The following RANBP2 variants were observed in gnomAD, a reference collection of about 807,000 sequenced individuals.
RANBP2 encodes the protein E3 SUMO-protein ligase RanBP2.
A neutral mutation model predicts 303.6 loss-of-function variants in RANBP2; 57 were observed. The observed-to-expected ratio is 0.19, with a 90% CI of 0.15 to 0.23. RANBP2 has a LOEUF of 0.23. Among genes scored for constraint, RANBP2 ranks in the 10% least tolerant of loss-of-function variants. The probability of loss-of-function intolerance (pLI) is 1.00; values close to 1 mark genes in which losing one functional copy is unlikely to be tolerated. For synonymous variants in RANBP2, 1,167 were observed against 1,301.5 expected, an observed-to-expected ratio of 0.90 and a Z score of 2.23; for missense variants, 3,138 against 3,780.8, an observed-to-expected ratio of 0.83 and a Z score of 4.46.
the RANBP2 span, among the ~76,000 whole-genome samples, chr2:109,714,978 TG>T: frequency 4.0e-4 from 5 of 12,514 alleles, no homozygotes; most frequent in Admixed American, 5.5e-3. Context: ...GGGGTGGGGG[TG>T]GGGGCGGGGC....
At chr2:108,980,305 C>T in the RANBP2 span, among the ~76,000 whole-genome samples, 1 of 152,060 alleles carries the variant, frequency 6.6e-6, no homozygotes, top group Non-Finnish European at 1.5e-5. Context: ...ATCCCGAAAC[C>T]TCTGTGAAGG....
the RANBP2 span, chr2:109,585,973 C>T: frequency 2.2e-5 from 14 of 625,018 alleles, no homozygotes; most frequent in Middle Eastern, 3.2e-4. Flanking sequence ...ACCTAAGATA[C>T]AAGCGATTAA....
chr2:109,034,485 T>C, the RANBP2 span, among the ~76,000 whole-genome samples: 2 of 151,958 alleles, frequency 1.3e-5, no homozygotes, highest in Non-Finnish European at 2.9e-5. Flanking sequence ...GCTGAGGGGC[T>C]ATGGCAAGAG....
At chr2:109,225,679 T>C in the RANBP2 span, among the ~76,000 whole-genome samples, 1 of 152,386 alleles carries the variant, frequency 6.6e-6, no homozygotes, top group African/African-American at 2.4e-5. Context: ...CCTGTAAATA[T>C]CAGGAACAGA....
the RANBP2 span, among the ~76,000 whole-genome samples, chr2:109,429,838 A>G: frequency 9.2e-5 from 14 of 152,318 alleles, 1 homozygote; most frequent in South Asian, 2.9e-3. Flanking sequence ...TAGCCCTGCT[A>G]GGGGTTCCAT....
chr2:109,398,946 A>G, the RANBP2 span: 1 of 1,608,310 alleles, frequency 6.2e-7, no homozygotes, highest in Non-Finnish European at 8.5e-7. Context: ...CCACCCAGGT[A>G]ACATCCCGCG....
At chr2:109,393,397 G>A in the RANBP2 span, among the ~76,000 whole-genome samples, 4 of 152,232 alleles carry the variant, frequency 2.6e-5, no homozygotes, top group Non-Finnish European at 5.9e-5. Flanking sequence ...TGGCAGAAAT[G>A]CAGAAACTTG....
At chr2:109,161,991 T>A in the RANBP2 span, among the ~76,000 whole-genome samples, 1 of 152,104 alleles carries the variant, frequency 6.6e-6, no homozygotes, top group Non-Finnish European at 1.5e-5. Context: ...AAAGCGTAGA[T>A]GGTGTCAGAA....
At chr2:109,460,567 CTG>C in the RANBP2 span, among the ~76,000 whole-genome samples, 1 of 152,240 alleles carries the variant, frequency 6.6e-6, no homozygotes, top group East Asian at 1.9e-4. Context: ...CAGTCATTGA[CTG>C]TGCTCCACAG....
At chr2:109,612,744 G>A in the RANBP2 span, among the ~76,000 whole-genome samples, 1 of 152,128 alleles carries the variant, frequency 6.6e-6, no homozygotes, top group Non-Finnish European at 1.5e-5. Flanking sequence ...CACAGCAACT[G>A]AGACAAGGGG....
chr2:108,852,285 C>G, the RANBP2 span, among the ~76,000 whole-genome samples: 1 of 152,164 alleles, frequency 6.6e-6, no homozygotes, highest in Non-Finnish European at 1.5e-5. Context: ...AAGAAAGGAA[C>G]ACTTGTACAC....
chr2:109,059,249 C>A, the RANBP2 span, among the ~76,000 whole-genome samples: 1 of 152,100 alleles, frequency 6.6e-6, no homozygotes, highest in Non-Finnish European at 1.5e-5. Context: ...GAATGTCAAT[C>A]TAGTTATCCG....
the RANBP2 span, among the ~76,000 whole-genome samples, chr2:109,651,163 A>G: frequency 2.0e-5 from 3 of 152,230 alleles, no homozygotes; most frequent in South Asian, 2.1e-4. Context: ...ACCTATCTCA[A>G]AATGAGTTAC....
the RANBP2 span, among the ~76,000 whole-genome samples, chr2:109,270,862 G>A: frequency 1.6e-4 from 25 of 152,218 alleles, no homozygotes; most frequent in African/African-American, 5.8e-4. Flanking sequence ...AGTGGCCAGG[G>A]AACCTGTGAG....
the RANBP2 span, among the ~76,000 whole-genome samples, chr2:108,872,178 C>G: frequency 2.6e-5 from 4 of 152,136 alleles, no homozygotes; most frequent in African/African-American, 9.7e-5. Flanking sequence ...TCATTGTTGC[C>G]TCGGAGAATT....
the RANBP2 span, among the ~76,000 whole-genome samples, chr2:109,182,427 G>A: frequency 8.7e-3 from 1,326 of 152,248 alleles, 7 homozygotes; most frequent in Non-Finnish European, 0.014. Flanking sequence ...CTGCATTAGG[G>A]ATCAAATTTC....
At chr2:108,883,843 C>T in the RANBP2 span, 1 of 152,280 alleles carries the variant, frequency 6.6e-6, no homozygotes, top group Non-Finnish European at 1.5e-5. Context: ...ATAAATTACG[C>T]ACCTTGAGGG....
At chr2:109,319,548 G>C in the RANBP2 span, among the ~76,000 whole-genome samples, 3 of 152,226 alleles carry the variant, frequency 2.0e-5, no homozygotes, top group Non-Finnish European at 4.4e-5. Context: ...GTGAGAGGGG[G>C]CTCACAGGGC....
the RANBP2 span, among the ~76,000 whole-genome samples, chr2:108,910,167 G>A: frequency 8.0e-3 from 1,222 of 152,336 alleles, 5 homozygotes; most frequent in Non-Finnish European, 0.013. Flanking sequence ...TGCCCTCCCA[G>A]TCTGGAGAAG....
Sources: gnomAD v4.1 joint callset for allele counts (sites outside exome capture counted in the v4.1 genomes callset) on GRCh38, gnomAD v4.1.1 for gene constraint, MANE v1.5 for transcripts, NCBI Gene and HGNC (gene_info 2026-07-23, HGNC 2026-07-21) for gene names.